Variants in ENOX1 observed in about 807,000 individuals in gnomAD.
ENOX1 encodes the protein ecto-NOX disulfide-thiol exchanger 1, also known as candidate growth-related and time keeping constitutive hydroquinone (NADH) oxidase.
A neutral mutation model predicts 82.5 loss-of-function variants in ENOX1; 42 were observed. The ratio of observed to expected loss-of-function variants is 0.51; its 90% CI spans 0.40 to 0.66. The LOEUF is 0.66. Among genes scored for constraint, ENOX1 ranks in the 30% least tolerant of loss-of-function variants. ENOX1 has a pLI of 0.00. For missense variants in ENOX1, 608 were observed against 811.6 expected (o/e 0.75, Z 3.05); for synonymous variants, 271 against 282.2 (o/e 0.96, Z 0.40).
intron 2 of ENOX1, among the ~76,000 whole-genome samples, chr13:43,591,313 A>G (rs2081235843): frequency 6.6e-6 from 1 of 152,280 alleles, no homozygotes; most frequent in African/African-American, 2.4e-5. Context: ...GTGAAAATTA[A>G]TTAAGTGTAG....
chr13:43,738,255 TCTTTAAACA>T, intron 1 of ENOX1, among the ~76,000 whole-genome samples: 1 of 152,204 alleles, frequency 6.6e-6, no homozygotes, highest in East Asian at 1.9e-4. Flanking sequence ...TTTAAACATG[TCTTTAAACA>T]GTTTTTCAAC....
chr13:43,560,395 G>T (rs2079618357), intron 2 of ENOX1, among the ~76,000 whole-genome samples: 1 of 152,018 alleles, frequency 6.6e-6, no homozygotes, highest in African/African-American at 2.4e-5. Context: ...CCTTCCAACA[G>T]AGTAACAATT....
chr13:43,228,041 A>T (rs2153454398), intron 15 of ENOX1, among the ~76,000 whole-genome samples: 1 of 143,944 alleles, frequency 6.9e-6, no homozygotes, highest in Admixed American at 6.9e-5. Flanking sequence ...GTGATTTTGG[A>T]TCAGGTTCAT....
chr13:43,289,615 T>C (rs967571276), intron 12 of ENOX1, among the ~76,000 whole-genome samples: 1 of 152,182 alleles, frequency 6.6e-6, no homozygotes, highest in African/African-American at 2.4e-5. Context: ...CCTCAAACTA[T>C]AAAAATCCTA....
At chr13:43,405,347 G>A (rs186405386) in intron 5 of ENOX1, among the ~76,000 whole-genome samples, 70 of 152,240 alleles carry the variant, frequency 4.6e-4, no homozygotes, top group African/African-American at 1.3e-3. Context: ...GCGTCTGGGC[G>A]TTACGGTCCC....
At chr13:43,483,062 T>C (rs966337828) in intron 3 of ENOX1, among the ~76,000 whole-genome samples, 3 of 152,072 alleles carry the variant, frequency 2.0e-5, no homozygotes, top group Non-Finnish European at 2.9e-5. Context: ...ATAAAAAAAG[T>C]AGAACCACAG....
At chr13:43,684,658 G>C (rs1475584882) in intron 1 of ENOX1, among the ~76,000 whole-genome samples, 1 of 152,150 alleles carries the variant, frequency 6.6e-6, no homozygotes, top group Non-Finnish European at 1.5e-5. Flanking sequence ...GCCCTACAGA[G>C]AACAGGTAAT....
At chr13:43,431,458 T>C (rs1258602950) in intron 3 of ENOX1, among the ~76,000 whole-genome samples, 1 of 152,176 alleles carries the variant, frequency 6.6e-6, no homozygotes, top group Non-Finnish European at 1.5e-5. Context: ...CTTCTGTCCT[T>C]CTACTAGCCT....
intron 2 of ENOX1, among the ~76,000 whole-genome samples, chr13:43,593,128 C>A (rs192514185): frequency 6.6e-6 from 1 of 152,246 alleles, no homozygotes; most frequent in South Asian, 2.1e-4. Flanking sequence ...GTAGAGAAGA[C>A]CAGCAGCCTA....
chr13:43,348,818 A>C (rs1449899554), intron 8 of ENOX1, among the ~76,000 whole-genome samples: 1 of 152,234 alleles, frequency 6.6e-6, no homozygotes, highest in Admixed American at 6.5e-5. Flanking sequence ...TGCCAAAGAA[A>C]AGCCACCAAG....
At position 43,277,561 on chromosome 13, in the gene ENOX1, C is replaced by A. The variant is rs114510114; in HGVS notation, c.1447-7984G>T. On this transcript the variant is annotated intron_variant, in intron 12 of 16. Coordinates refer to ENST00000690772, the MANE Select transcript of ENOX1 (RefSeq NM_001347969.2). Reference sequence around the variant, plus strand: ...GCCTGAGGCATGAAGGACCCTGCTGCACCCTGACCTGGCAAGGATCCCTGT... The same window carrying A: ...GCCTGAGGCATGAAGGACCCTGCTGAACCCTGACCTGGCAAGGATCCCTGT... Among the ~76,000 whole-genome samples, 558 of 152,322 alleles carry A rather than the reference C, an allele frequency of 3.7e-3. 5 individuals carry two copies. The highest frequency in any genetic ancestry group is 0.013 in the African/African-American group (537 of 41,576).
intron 9 of ENOX1, among the ~76,000 whole-genome samples, chr13:43,338,786 C>G (rs963277928): frequency 1.4e-5 from 2 of 148,106 alleles, no homozygotes; most frequent in Admixed American, 1.4e-4. Flanking sequence ...CCCAGGTTCA[C>G]GCCATTCTCC....
At chr13:43,619,179 A>G (rs2082617651) in intron 2 of ENOX1, among the ~76,000 whole-genome samples, 1 of 152,090 alleles carries the variant, frequency 6.6e-6, no homozygotes. Flanking sequence ...TCATATCATC[A>G]GCAAACAGTG....
At chr13:43,514,607 C>A (rs1276772209) in intron 2 of ENOX1, among the ~76,000 whole-genome samples, 1 of 152,074 alleles carries the variant, frequency 6.6e-6, no homozygotes, top group Non-Finnish European at 1.5e-5. Flanking sequence ...TTGGCTTCAC[C>A]CAATCCAACC....
At chr13:43,690,604 C>T (rs73188026) in intron 1 of ENOX1, among the ~76,000 whole-genome samples, 42,306 of 151,954 alleles carry the variant, frequency 0.28, 6,198 homozygotes, top group Middle Eastern at 0.36. Context: ...ATTAATTTTT[C>T]GTTTGATTTG....
At chr13:43,751,406 C>T (rs754476274) in intron 1 of ENOX1, among the ~76,000 whole-genome samples, 6 of 152,294 alleles carry the variant, frequency 3.9e-5, no homozygotes, top group South Asian at 2.1e-4. Context: ...AAACTCCACA[C>T]TTTAAAGTGT....
intron 2 of ENOX1, among the ~76,000 whole-genome samples, chr13:43,506,097 T>C (rs1380054115): frequency 2.0e-5 from 3 of 152,082 alleles, no homozygotes; most frequent in Non-Finnish European, 4.4e-5. Flanking sequence ...CTCTGTTCTC[T>C]TCCATTGGTC....
intron 12 of ENOX1, among the ~76,000 whole-genome samples, chr13:43,271,668 C>T (rs1373829802): frequency 1.6e-5 from 2 of 125,214 alleles, no homozygotes; most frequent in African/African-American, 2.6e-5. Context: ...TCTATTAAAA[C>T]ACACACACAC....
chr13:43,630,655 TAA>T (rs11356628), intron 2 of ENOX1, among the ~76,000 whole-genome samples: 3 of 135,620 alleles, frequency 2.2e-5, no homozygotes, highest in African/African-American at 2.7e-5. Context: ...CTTCTCAAAC[TAA>T]AAAAAAAAAA....
Sources: gnomAD v4.1 joint callset for allele counts (sites outside exome capture counted in the v4.1 genomes callset) on GRCh38, gnomAD v4.1.1 for gene constraint, MANE v1.5 for transcripts, NCBI Gene and HGNC (gene_info 2026-07-23, HGNC 2026-07-21) for gene names.